VPS39: variants seen among roughly 807,000 people sequenced by gnomAD.
VPS39 encodes the protein vam6/Vps39-like protein.
Under a neutral mutation model 121.0 loss-of-function variants are expected in VPS39, and 70 were observed. That is an observed-to-expected ratio of 0.58 (90% confidence interval 0.48 to 0.71). The LOEUF is 0.71. Ranked by LOEUF, VPS39 falls within the 30% of genes least tolerant of loss-of-function variation. The pLI is 0.00. For missense variants in VPS39, 818 were observed against 1,051.5 expected, an observed-to-expected ratio of 0.78 and a Z score of 3.07; for synonymous variants, 378 against 398.1, an observed-to-expected ratio of 0.95 and a Z score of 0.60.
chr15:42,199,655 C>T (rs1318396042), intron 2 of VPS39: 1 of 514,990 alleles, frequency 1.9e-6, no homozygotes, highest in Non-Finnish European at 3.5e-6. Context: ...GACTCACTAC[C>T]AGTAATAAGT....
intron 1 of VPS39, among the ~76,000 whole-genome samples, chr15:42,202,161 G>T (rs750415899): frequency 7.9e-5 from 12 of 152,190 alleles, no homozygotes; most frequent in Non-Finnish European, 1.6e-4. Flanking sequence ...TCAGCCAAAG[G>T]TTGTCTGAAT....
At chr15:42,161,319 T>A (rs1436547507) in intron 24 of VPS39, 1 of 395,410 alleles carries the variant, frequency 2.5e-6, no homozygotes, top group Admixed American at 3.6e-5. Context: ...CCTACTTGAG[T>A]CACAATGCAG....
chr15:42,184,659 TC>T lies in VPS39; in HGVS notation c.575del (p.Gly192GlufsTer7). 1 of 1,614,072 alleles carries T rather than the reference TC, an allele frequency of 6.2e-7. No homozygotes were observed. The highest frequency in any genetic ancestry group is 1.3e-5 in the African/African-American group (1 of 75,050). On this transcript the variant is annotated frameshift_variant, in exon 8 of 25. Coordinates refer to ENST00000318006, the MANE Select transcript of VPS39 (RefSeq NM_015289.5). LOFTEE classifies it high-confidence loss of function. ...KGSIKELFPTGKQLEPLVAPL... is the reference protein window; with the variant it reads ...KGSIKELFPTXKQLEPLVAPL... ...GTGCAACTAAGGGCTCCAGCTGTTT[TC>T]CTGTTGGAAAGAGCTCTTTGATGGA...
rs549005335 is a variant in VPS39 at position 42,189,873 on chromosome 15, A to G, written c.248-665T>C. Among the ~76,000 whole-genome samples, 250 of 117,322 alleles carry G rather than the reference A, an allele frequency of 2.1e-3. 1 individual carries two copies. Among genetic ancestry groups the G allele is most frequent in the Admixed American group, 6.9e-3 (57 of 8,222 alleles). 77.0% of individuals were successfully genotyped at this position (117,322 alleles called of 152,430 possible). On this transcript the variant is annotated intron_variant, in intron 4 of 24. Transcript: ENST00000318006. Reference sequence around the variant, plus strand: ...GCTAGAGTGCATCAACAAAAGGGGCATGATCTCAGCTCACTACAGCCTTAA... The same window carrying G: ...GCTAGAGTGCATCAACAAAAGGGGCGTGATCTCAGCTCACTACAGCCTTAA...
At chr15:42,161,794 AG>A in intron 23 of VPS39, 21 bp from the exon 24 acceptor site, 1 of 1,613,610 alleles carries the variant, frequency 6.2e-7, no homozygotes, top group Non-Finnish European at 8.5e-7. Context: ...AGGGGGATTG[AG>A]GAAGAAGTTC....
At chr15:42,208,035 C>A (rs2050212189) in intron 1 of VPS39, 46 bp downstream of exon 1, 2 of 1,548,386 alleles carry the variant, frequency 1.3e-6, no homozygotes, top group Non-Finnish European at 1.7e-6. Flanking sequence ...AGATCCGGAC[C>A]GCTCCTGTGC....
Position 42,163,485 on chromosome 15 carries a change from C to A in VPS39, c.2130-90G>T, listed in dbSNP as rs2049179821. 6.3e-6 allele frequency: 10 copies of A among 1,584,494 alleles called. No homozygotes were observed. In the East Asian group the frequency reaches 6.7e-5, roughly 11 times the overall value. On this transcript the variant is annotated intron_variant, in intron 20 of 24. Transcript: ENST00000318006. Reference sequence around the variant, plus strand: ...CGTGCAGCCTGCTCGAGCAGCCTAACCACAGCCAAAACTGCGGGCCAGGAC... The same window carrying A: ...CGTGCAGCCTGCTCGAGCAGCCTAAACACAGCCAAAACTGCGGGCCAGGAC...
intron 1 of VPS39, among the ~76,000 whole-genome samples, chr15:42,204,098 C>T (rs1209573797): frequency 6.6e-6 from 1 of 152,234 alleles, no homozygotes; most frequent in Admixed American, 6.5e-5. Context: ...CAGTGCAATG[C>T]AGTCCAACTT....
chr15:42,164,944 T>C, intron 18 of VPS39, 52 bp downstream of exon 18: 1 of 1,610,076 alleles, frequency 6.2e-7, no homozygotes, highest in Non-Finnish European at 8.5e-7. Context: ...CACCTGGGTC[T>C]GTGCTCTCCT....
intron 4 of VPS39, 120 bp downstream of exon 4, chr15:42,191,005 C>T: frequency 9.0e-7 from 1 of 1,114,776 alleles, no homozygotes. Flanking sequence ...CCTGTTATAC[C>T]AGGTTTGGAA....
rs537082081 is a variant in VPS39, at chr15:42,167,463, A to G, written c.1308T>C (p.Thr436=). 87 of 1,614,122 alleles carry G rather than the reference A, an allele frequency of 5.4e-5. No homozygotes were observed. The highest frequency in any genetic ancestry group is 4.9e-4 in the South Asian group (45 of 91,076). ...GCTTCTTCTTGGATTTGATGGTGGG[A>G]GTGCCTTCCATGAGCGGTGAGGTGC... ...QSSTSPLMEG[T]PTIKSKKKLL... is the part of the protein sequence containing the mutation. The change falls in exon 13 of 25, where the codon ACT becomes ACC. Residue 436 remains threonine (T), a synonymous_variant. Coordinates refer to ENST00000318006, the MANE Select transcript of VPS39 (RefSeq NM_015289.5).
chr15:42,192,197 G>T, intron 2 of VPS39: 1 of 1,101,166 alleles, frequency 9.1e-7, no homozygotes, highest in Admixed American at 2.0e-5. Flanking sequence ...AGTCACCAAT[G>T]AGTCAAAAAG....
At chr15:42,184,802 T>C (rs990738802) in intron 7 of VPS39, 102 bp from the exon 8 acceptor site, 46 of 1,115,012 alleles carry the variant, frequency 4.1e-5, no homozygotes, top group Non-Finnish European at 5.8e-5. Context: ...GCCAATAATA[T>C]TCCTTGTTTG....
chr15:42,172,713 T>A (rs138759887), intron 11 of VPS39, among the ~76,000 whole-genome samples: 1 of 152,358 alleles, frequency 6.6e-6, no homozygotes, highest in African/African-American at 2.4e-5. Context: ...CTGTTTTGTT[T>A]CCAGCTGGGA....
chr15:42,163,807 G>GAC (rs2140835665), intron 19 of VPS39, 79 bp from the exon 20 acceptor site: 1 of 956,744 alleles, frequency 1.0e-6, no homozygotes, highest in African/African-American at 1.7e-5. Flanking sequence ...CAGAGGAGTG[G>GAC]ACACGAGGCA....
chr15:42,180,577 AAGG>A (rs1289531447), intron 8 of VPS39, among the ~76,000 whole-genome samples: 1 of 152,220 alleles, frequency 6.6e-6, no homozygotes, highest in Non-Finnish European at 1.5e-5. Context: ...TTGTATGGTG[AAGG>A]AGATTTAACA....
intron 17 of VPS39, 38 bp downstream of exon 17, chr15:42,165,680 G>A (rs2049227671): frequency 6.4e-7 from 1 of 1,565,648 alleles, no homozygotes; most frequent in Non-Finnish European, 8.8e-7. Context: ...TGGATCCTGG[G>A]TTTAAAGCTT....
chr15:42,189,866 A>G (rs2049790866), intron 4 of VPS39, among the ~76,000 whole-genome samples: 1 of 140,996 alleles, frequency 7.1e-6, no homozygotes, highest in Non-Finnish European at 1.5e-5. Flanking sequence ...GCATCAACAA[A>G]AGGGGCATGA....
chr15:42,203,313 A>T (rs1248917275), intron 1 of VPS39, among the ~76,000 whole-genome samples: 2 of 152,148 alleles, frequency 1.3e-5, no homozygotes, highest in Non-Finnish European at 2.9e-5. Context: ...TACTAAAAAT[A>T]CAAAAAAAAT....
Sources: allele counts gnomAD v4.1 joint callset (sites outside exome capture counted in the v4.1 genomes callset), GRCh38; gene constraint gnomAD v4.1.1; transcripts MANE v1.5; gene names NCBI Gene and HGNC (gene_info 2026-07-23, HGNC 2026-07-21).